FAM131A: variants seen among roughly 807,000 people sequenced by gnomAD.
FAM131A encodes family with sequence similarity 131 member A, also known as protein FAM131A.
Under a neutral mutation model 39.2 loss-of-function variants are expected in FAM131A, and 24 were observed. The observed-to-expected ratio is 0.61, with a 90% confidence interval of 0.44 to 0.86. FAM131A has a LOEUF of 0.86. Ranked by LOEUF, FAM131A falls within the 40% of genes least tolerant of loss-of-function variation. The probability of loss-of-function intolerance (pLI) is 0.00; values close to 1 mark genes in which losing one functional copy is unlikely to be tolerated. For synonymous variants in FAM131A, 202 were observed against 206.8 expected, an observed-to-expected ratio of 0.98 and a Z score of 0.20; for missense variants, 373 against 481.2, an observed-to-expected ratio of 0.78 and a Z score of 2.10.
chr3:184,345,863 G>A lies in FAM131A; in HGVS notation c.*893G>A, dbSNP rs1727632839. The A allele has an allele frequency of 4.2e-6, 2 of 479,276 alleles. No homozygotes were observed. The highest frequency in any genetic ancestry group is 3.9e-5 in the Admixed American group (1 of 25,740). The allele number at this position is 479,276 out of a possible 1,614,324, so 29.7% of individuals were successfully genotyped here. On this transcript the variant is annotated 3_prime_UTR_variant, in exon 6 of 6. Transcript: ENST00000383847. ...CACAAGAGGGCCACAGGGGTGGCCGGGAGTTGTCAGCTGATGCCTGCTGAG... is the reference window on the plus strand; with the variant it reads ...CACAAGAGGGCCACAGGGGTGGCCGAGAGTTGTCAGCTGATGCCTGCTGAG...
In FAM131A at chr3:184,342,944, C is replaced by G; in HGVS notation, c.625+84C>G. 8.2e-7 allele frequency: 1 copy of G among 1,226,844 alleles called. No individual in the cohort carries two copies. The highest frequency in any genetic ancestry group is 1.2e-6 in the Non-Finnish European group (1 of 840,626). 76.0% of individuals were successfully genotyped at this position (1,226,844 alleles called of 1,614,324 possible). ...TTCAGAGCCACATCCAGAACACTCTCAGCCTTTGCAAGGGGAGGGAGAGGG... is the reference window on the plus strand; with the variant it reads ...TTCAGAGCCACATCCAGAACACTCTGAGCCTTTGCAAGGGGAGGGAGAGGG... On this transcript the variant is annotated intron_variant, in intron 5 of 5. Coordinates refer to ENST00000383847, the MANE Select transcript of FAM131A (RefSeq NM_144635.5). This position sits in a 1 kb window ranked among gnomAD's most constrained non-coding sequence, Gnocchi z 4.6.
Position 184,338,464 on chromosome 3 carries a change from C to T in FAM131A, c.166C>T (p.Arg56Ter). The change falls in exon 2 of 6, where the codon CGA (arginine) becomes TGA (stop). Residue 56 changes from arginine (R) to a stop codon, truncating the protein, a stop_gained. Coordinates refer to ENST00000383847, the MANE Select transcript of FAM131A (RefSeq NM_144635.5). LOFTEE classifies it high-confidence loss of function. ...CTCTCTATCCTCTTTGGGATCTGCTCGAACCCTCCGAGGCTGGAGCAGGTC... is the reference window on the plus strand; with the variant it reads ...CTCTCTATCCTCTTTGGGATCTGCTTGAACCCTCCGAGGCTGGAGCAGGTC... Reference protein sequence around the residue: ...GLSLSSLGSARTLRGWSRSSR... With the variant: ...GLSLSSLGSA The T allele has an allele frequency of 6.5e-7, 1 of 1,533,532 alleles. No individual in the cohort carries two copies. Among genetic ancestry groups the T allele is most frequent in the Non-Finnish European group, 8.7e-7 (1 of 1,145,198 alleles). 95.0% of individuals were successfully genotyped at this position (1,533,532 alleles called of 1,614,324 possible). A position where few individuals can be genotyped will look rare whatever the true frequency, so the allele number is the denominator to read the frequency against.
chr3:184,342,711 C>G lies in FAM131A; in HGVS notation c.509-33C>G. ...AAGCTGAGCCCTAGACTTAGCTCAC[C>G]TTCTCTGCTTATGCATTCTGTCCCT... On this transcript the variant is annotated intron_variant, in intron 4 of 5. Coordinates refer to ENST00000383847, the MANE Select transcript of FAM131A (RefSeq NM_144635.5). The surrounding 1 kb of genome is among the most constrained non-coding windows in gnomAD (Gnocchi z 4.6). 1 of 1,586,276 alleles carries G rather than the reference C, an allele frequency of 6.3e-7. No homozygotes were observed. The highest frequency in any genetic ancestry group is 8.6e-7 in the Non-Finnish European group (1 of 1,156,914).
At chr3:184,338,651 C>T (rs984127398) in intron 2 of FAM131A, 122 bp downstream of exon 2, 5 of 1,369,322 alleles carry the variant, frequency 3.7e-6, no homozygotes, top group African/African-American at 2.9e-5. Flanking sequence ...GAGGCGCTAT[C>T]CGGCGGCGGG....
chr3:184,339,563 C>A (rs113600180), intron 2 of FAM131A: 2,351 of 152,378 alleles, frequency 0.015, 28 homozygotes, highest in Non-Finnish European at 0.023. Flanking sequence ...GGGGTTCAAG[C>A]GATTATCCTG....
chr3:184,342,220 G>C lies in FAM131A; in HGVS notation c.480G>C (p.Glu160Asp). The change falls in exon 4 of 6, where the codon GAG becomes GAC. Residue 160 changes from glutamate to aspartate, a missense_variant. Glu to Asp is a conservative substitution (Grantham distance 45). Coordinates refer to ENST00000383847, the MANE Select transcript of FAM131A (RefSeq NM_144635.5). This position sits in a 1 kb window ranked among gnomAD's most constrained non-coding sequence, Gnocchi z 4.6. ...TTTCCTCCTATTCAGACCTCAGCGA[G>C]GGCGAACAAGAGGCTCGCTTTGCAG... ...SAFSSYSDLSEGEQEARFAAG... is the reference protein window; with the variant it reads ...SAFSSYSDLSDGEQEARFAAG... 1 of 1,609,798 alleles carries C rather than the reference G, an allele frequency of 6.2e-7. No individual in the cohort carries two copies. Among genetic ancestry groups the C allele is most frequent in the Non-Finnish European group, 8.5e-7 (1 of 1,176,614 alleles).
chr3:184,338,565 T>C (rs904792440), intron 2 of FAM131A, 36 bp downstream of exon 2: 24 of 1,533,372 alleles, frequency 1.6e-5, no homozygotes, highest in Non-Finnish European at 2.0e-5. Context: ...AAGGAGGACG[T>C]CATCCATATA....
chr3:184,337,872 C>T (rs1437953496), intron 1 of FAM131A, among the ~76,000 whole-genome samples, 154 bp downstream of exon 1: 3 of 152,062 alleles, frequency 2.0e-5, no homozygotes, highest in Non-Finnish European at 4.4e-5. Flanking sequence ...CATCAGGAAA[C>T]GGCTTCAGGG....
At position 184,345,281 on chromosome 3, in the gene FAM131A, G is replaced by T; in HGVS notation, c.*311G>T. The T allele has an allele frequency of 1.9e-6, 1 of 514,148 alleles. No individual in the cohort carries two copies. Among genetic ancestry groups the T allele is most frequent in the Admixed American group, 3.7e-5 (1 of 27,260 alleles). 31.8% of individuals were successfully genotyped at this position (514,148 alleles called of 1,614,324 possible). A position where few individuals can be genotyped will look rare whatever the true frequency, so the allele number is the denominator to read the frequency against. ...AATGCCACACACACATTTCCTCCTC[G>T]GATAATGTGAACCACTAAGGGGGTT... On this transcript the variant is annotated 3_prime_UTR_variant, in exon 6 of 6. Coordinates refer to ENST00000383847, the MANE Select transcript of FAM131A (RefSeq NM_144635.5).
At chr3:184,338,810 C>T (rs1727242980) in intron 2 of FAM131A, 1 of 391,720 alleles carries the variant, frequency 2.6e-6, no homozygotes, top group South Asian at 3.2e-5. Flanking sequence ...GAGACATACA[C>T]CTTTTCTCTG....
intron 2 of FAM131A, chr3:184,338,870 A>AG (rs1392612788): frequency 2.6e-5 from 6 of 227,376 alleles, no homozygotes; most frequent in Non-Finnish European, 5.2e-5. Context: ...GCGGCGGCTG[A>AG]GGGGAGCGAA....
chr3:184,343,103 A>T, intron 5 of FAM131A: 2 of 210,280 alleles, frequency 9.5e-6, no homozygotes, highest in Non-Finnish European at 1.7e-5. Flanking sequence ...CTGTCTGCAC[A>T]GTTGTGCCTT....
At chr3:184,344,462 G>GC in intron 5 of FAM131A, 33 bp from the exon 6 acceptor site, 6 of 1,508,164 alleles carry the variant, frequency 4.0e-6, no homozygotes, top group Non-Finnish European at 5.3e-6. Flanking sequence ...AATGGAGCCA[G>GC]CAGGACTGTC....
Position 184,342,797 on chromosome 3 carries a change from G to C in FAM131A, c.562G>C (p.Val188Leu), listed in dbSNP as rs760175064. The change falls in exon 5 of 6, where the codon GTG becomes CTG. Residue 188 changes from valine to leucine, a missense_variant. This residue lies in a region of FAM131A where 221 missense variants were observed against 347.7 expected (regional missense o/e 0.64). Coordinates refer to ENST00000383847, the MANE Select transcript of FAM131A (RefSeq NM_144635.5). This position sits in a 1 kb window ranked among gnomAD's most constrained non-coding sequence, Gnocchi z 4.6. ...AGCCAAGCTCCGAGCATGGTCTTCG[G>C]TGGATGGCGAGGACTCCACTGATGA... ...AEAKLRAWSS[V>L]DGEDSTDDSY... The C allele has an allele frequency of 6.2e-7, 1 of 1,614,016 alleles. No individual in the cohort carries two copies. Among genetic ancestry groups the C allele is most frequent in the Non-Finnish European group, 8.5e-7 (1 of 1,179,934 alleles).
Position 184,344,755 on chromosome 3 carries a change from C to T in FAM131A, c.886C>T (p.Leu296=). ...CAGCCGGGAAAGTGCCTTCCGCAGC[C>T]TGGGCCCACTGGAGGCCCAGGACTC... is the stretch of plus-strand genomic sequence containing the variant. ...PPSRESAFRS[L]GPLEAQDSLY... is the part of the protein sequence containing the mutation. Residue 296 remains leucine (L), a synonymous_variant, in exon 6 of 6, where the codon CTG becomes TTG. Transcript: ENST00000383847. 1 of 1,612,390 alleles carries T rather than the reference C, an allele frequency of 6.2e-7. No individual in the cohort carries two copies.
rs1194613625 is a variant in FAM131A, at chr3:184,345,716, T to C, written c.*746T>C. On this transcript the variant is annotated 3_prime_UTR_variant, in exon 6 of 6. Transcript: ENST00000383847. ...AACCCCTCCTAGGATGTGCGGGCAG[T>C]GTGCTGGCGCCTCACAGCCAGCCGG... 7 of 606,358 alleles carry C rather than the reference T, an allele frequency of 1.2e-5. No homozygotes were observed. The highest frequency in any genetic ancestry group is 6.0e-5 in the South Asian group (3 of 49,806). The allele number at this position is 606,358 out of a possible 1,614,324, so 37.6% of individuals were successfully genotyped here.
rs1300537600 is a variant in FAM131A, at chr3:184,342,307, TTTTA to T, written c.508+64_508+67del. ...GGCACAGGGCTGCTTTCTTTCTTTA[TTTTA>T]TTTAATTTTTTTTTGAGACGGAGTC... On this transcript the variant is annotated intron_variant, in intron 4 of 5. Transcript: ENST00000383847. The surrounding 1 kb of genome is among the most constrained non-coding windows in gnomAD (Gnocchi z 4.6). The T allele has an allele frequency of 1.3e-5, 19 of 1,493,774 alleles. No homozygotes were observed. The highest frequency in any genetic ancestry group is 1.5e-5 in the Non-Finnish European group (17 of 1,127,032). 92.5% of individuals were successfully genotyped at this position (1,493,774 alleles called of 1,614,324 possible). A position where few individuals can be genotyped will look rare whatever the true frequency, so the allele number is the denominator to read the frequency against.
In FAM131A at chr3:184,345,021, A is replaced by T; in HGVS notation, c.*51A>T. The T allele has an allele frequency of 6.9e-7, 1 of 1,440,742 alleles. No homozygotes were observed. Among genetic ancestry groups the T allele is most frequent in the African/African-American group, 1.4e-5 (1 of 70,562 alleles). The allele number at this position is 1,440,742 out of a possible 1,614,324, so 89.2% of individuals were successfully genotyped here. A position where few individuals can be genotyped will look rare whatever the true frequency, so the allele number is the denominator to read the frequency against. On this transcript the variant is annotated 3_prime_UTR_variant, in exon 6 of 6. Transcript: ENST00000383847. ...GCATCCCCCGGCTGCTGCCAGGGGCAGAGCCTCTGTGCCCAAGTGTGGGCT... is the reference window on the plus strand; with the variant it reads ...GCATCCCCCGGCTGCTGCCAGGGGCTGAGCCTCTGTGCCCAAGTGTGGGCT...
chr3:184,341,022 G>T (rs1269372399), intron 2 of FAM131A: 2 of 153,898 alleles, frequency 1.3e-5, no homozygotes, highest in African/African-American at 4.8e-5. Flanking sequence ...GGAGGCTGGG[G>T]GAACACCACT....
Sources: allele counts gnomAD v4.1 joint callset (sites outside exome capture counted in the v4.1 genomes callset), GRCh38; gene constraint gnomAD v4.1.1; regional missense constraint gnomAD v4.1.1; non-coding constraint Gnocchi (gnomAD v3.1); transcripts MANE v1.5; gene names NCBI Gene and HGNC (gene_info 2026-07-23, HGNC 2026-07-21).